Variants in IRAK1BP1 observed in about 807,000 individuals in gnomAD.
IRAK1BP1 encodes the protein interleukin 1 receptor associated kinase 1 binding protein 1, also known as interleukin-1 receptor-associated kinase 1-binding protein 1.
A neutral mutation model predicts 28.0 loss-of-function variants in IRAK1BP1; 24 were observed. The ratio of observed to expected loss-of-function variants is 0.86; its 90% CI spans 0.62 to 1.20. The LOEUF is 1.20. Ranked by LOEUF, IRAK1BP1 falls within the 50% of genes most tolerant of loss-of-function variation. The pLI, the probability that IRAK1BP1 is intolerant of heterozygous loss-of-function variation, is 0.00. For synonymous variants in IRAK1BP1, 131 were observed against 116.3 expected (o/e 1.13, Z -0.81); for missense variants, 336 against 316.7 (o/e 1.06, Z -0.46).
At chr6:78,868,547 G>A (rs1275053161) in intron 1 of IRAK1BP1, among the ~76,000 whole-genome samples, 5 of 152,120 alleles carry the variant, frequency 3.3e-5, no homozygotes, top group African/African-American at 4.8e-5. Flanking sequence ...CTTACTTAAC[G>A]GAGATGTCCA....
rs1582081659 is a variant in IRAK1BP1 at position 78,945,988 on chromosome 6, AAGTG to A, written c.*652_*655del. The A allele has an allele frequency of 3.8e-6, 6 of 1,582,140 alleles. No homozygotes were observed. The East Asian group carries it at 9.0e-5, about 24-fold the overall frequency. On this transcript the variant is annotated 3_prime_UTR_variant and NMD_transcript_variant, in exon 5 of 5. Transcript: ENST00000606868. ...ATCATCATATACATTTCAATTTAGAAAGTGAGTCTTACTTGTTTTCCCTGGTATT... is the reference window on the plus strand; with the variant it reads ...ATCATCATATACATTTCAATTTAGAAAGTCTTACTTGTTTTCCCTGGTATT...
downstream of IRAK1BP1, among the ~76,000 whole-genome samples, chr6:78,908,042 A>ATTTT (rs1426554105): frequency 7.2e-6 from 1 of 139,580 alleles, no homozygotes; most frequent in African/African-American, 2.7e-5. Context: ...TTATTTATTT[A>ATTTT]TTTATTTATT....
the IRAK1BP1 span, chr6:78,970,683 G>A: frequency 1.4e-6 from 1 of 724,768 alleles, no homozygotes; most frequent in South Asian, 1.9e-5. Flanking sequence ...TCTTCATGAT[G>A]CAGTTTCTTA....
rs1414743409 is a variant in IRAK1BP1 at position 78,899,457 on chromosome 6, A to G, written c.*1123A>G. ...AAGAATAATGAGGTATAATAGGAAA[A>G]TGTTTTGATGCCAAAAATAAAAGAG... On this transcript the variant is annotated 3_prime_UTR_variant, in exon 4 of 4. Coordinates refer to ENST00000369940, the MANE Select transcript of IRAK1BP1 (RefSeq NM_001010844.4). 1.3e-5 allele frequency: 2 copies of G among 152,226 alleles called. No individual in the cohort carries two copies. The highest frequency in any genetic ancestry group is 2.9e-5 in the Non-Finnish European group (2 of 68,040). The allele number at this position is 152,226 out of a possible 1,614,324, so 9.4% of individuals were successfully genotyped here.
At chr6:78,887,393 C>T (rs1479252746) in intron 2 of IRAK1BP1, among the ~76,000 whole-genome samples, 10 of 152,002 alleles carry the variant, frequency 6.6e-5, no homozygotes, top group African/African-American at 1.2e-4. Context: ...TGGCTGGGCG[C>T]GATGGCTCTC....
chr6:78,912,843 C>T (rs1043872792), intron 4 of IRAK1BP1, among the ~76,000 whole-genome samples: 4 of 152,080 alleles, frequency 2.6e-5, no homozygotes, highest in Non-Finnish European at 5.9e-5. Context: ...TATATTAGCA[C>T]CCAGGCTCTT....
chr6:78,919,917 A>C (rs756374130), intron 4 of IRAK1BP1, among the ~76,000 whole-genome samples: 2 of 152,180 alleles, frequency 1.3e-5, no homozygotes, highest in Non-Finnish European at 2.9e-5. Context: ...TAGACACAAA[A>C]GTCCTCAACA....
chr6:78,931,410 CA>C (rs1353364377), intron 4 of IRAK1BP1, among the ~76,000 whole-genome samples: 1 of 151,874 alleles, frequency 6.6e-6, no homozygotes, highest in African/African-American at 2.4e-5. Flanking sequence ...GACCCTGTCT[CA>C]AAAAACAAGA....
intron 1 of IRAK1BP1, among the ~76,000 whole-genome samples, chr6:78,885,054 C>A (rs1260235620): frequency 6.6e-6 from 1 of 151,902 alleles, no homozygotes; most frequent in Non-Finnish European, 1.5e-5. Flanking sequence ...AAATGCTTTT[C>A]AACATTCTTT....
At chr6:78,935,136 G>A (rs1773222519) in intron 4 of IRAK1BP1, among the ~76,000 whole-genome samples, 1 of 152,048 alleles carries the variant, frequency 6.6e-6, no homozygotes, top group African/African-American at 2.4e-5. Flanking sequence ...AATTTTTCTT[G>A]GCTGGTTCTT....
intron 4 of IRAK1BP1, among the ~76,000 whole-genome samples, chr6:78,930,796 G>T (rs1354323499): frequency 6.6e-6 from 1 of 151,912 alleles, no homozygotes; most frequent in African/African-American, 2.4e-5. Context: ...GGTGGTTGAG[G>T]TGGTGAGCGC....
At chr6:78,906,531 G>T (rs536275032), downstream of IRAK1BP1, among the ~76,000 whole-genome samples, 4 of 152,278 alleles carry the variant, frequency 2.6e-5, no homozygotes, top group African/African-American at 7.2e-5. Context: ...AGTATAATGT[G>T]TAAGTATTCA....
At chr6:78,956,605 T>C in the IRAK1BP1 span, 222 of 152,268 alleles carry the variant, frequency 1.5e-3, 1 homozygote, top group African/African-American at 5.0e-3. Context: ...CTCAGATTTA[T>C]AGCACTGTAT....
chr6:78,927,373 C>T (rs1213450541), intron 4 of IRAK1BP1, among the ~76,000 whole-genome samples: 1 of 152,000 alleles, frequency 6.6e-6, no homozygotes, highest in African/African-American at 2.4e-5. Context: ...AAATCTTTTG[C>T]CCATTTTTAA....
exon 5 of IRAK1BP1, chr6:78,945,622 A>G: frequency 1.5e-6 from 1 of 671,996 alleles, no homozygotes. Flanking sequence ...AAGCTTTCTT[A>G]GGAAAGCTAC....
chr6:78,966,070 A>G, the IRAK1BP1 span: 1 of 1,491,434 alleles, frequency 6.7e-7, no homozygotes, highest in Admixed American at 1.7e-5. Flanking sequence ...GCCAAGAACA[A>G]AAACTAACTC....
rs79250368 is a variant in IRAK1BP1, at chr6:78,896,198, G to C, written c.382-1631G>C. On this transcript the variant is annotated intron_variant, in intron 2 of 3. Coordinates refer to ENST00000369940, the MANE Select transcript of IRAK1BP1 (RefSeq NM_001010844.4). ...CTATACAATCCTAATCAAAATCTCA[G>C]CCAGCTTTTCAAAAAATAGAAACTG... Among the ~76,000 whole-genome samples, 1,355 of 151,956 alleles carry C rather than the reference G, an allele frequency of 8.9e-3. 18 individuals carry two copies. Among genetic ancestry groups the C allele is most frequent in the African/African-American group, 0.03 (1,263 of 41,486 alleles).
chr6:78,887,752 G>T (rs1387441067), intron 2 of IRAK1BP1, among the ~76,000 whole-genome samples: 1 of 151,200 alleles, frequency 6.6e-6, no homozygotes, highest in African/African-American at 2.4e-5. Context: ...TGCCCTGCAG[G>T]TGGGAATGTA....
At chr6:78,917,923 G>C (rs1772604088) in intron 4 of IRAK1BP1, among the ~76,000 whole-genome samples, 1 of 152,162 alleles carries the variant, frequency 6.6e-6, no homozygotes, top group South Asian at 2.1e-4. Flanking sequence ...CCTCACAGGA[G>C]TTCTAAACAT....
Sources: gnomAD v4.1 joint callset for allele counts (sites outside exome capture counted in the v4.1 genomes callset) on GRCh38, gnomAD v4.1.1 for gene constraint, MANE v1.5 for transcripts, NCBI Gene and HGNC (gene_info 2026-07-23, HGNC 2026-07-21) for gene names.